The following SMC5 variants were observed in gnomAD, a reference collection of about 807,000 sequenced individuals.
The protein encoded by SMC5 is structural maintenance of chromosomes protein 5.
Under a neutral mutation model 148.3 loss-of-function variants are expected in SMC5, and 88 were observed. The observed-to-expected ratio is 0.59, with a 90% CI of 0.50 to 0.71. The LOEUF (loss-of-function observed/expected upper bound fraction) is 0.71. SMC5 is among the 30% of genes least tolerant of loss of function. SMC5 has a pLI of 0.00. For synonymous variants in SMC5, 421 were observed against 432.8 expected (o/e 0.97, Z 0.34); for missense variants, 1,142 against 1,298.9 (o/e 0.88, Z 1.86).
At chr9:70,263,279 A>T (rs2034188714) in intron 1 of SMC5, among the ~76,000 whole-genome samples, 1 of 152,240 alleles carries the variant, frequency 6.6e-6, no homozygotes, top group Non-Finnish European at 1.5e-5. Context: ...AAAAAGATAA[A>T]GTAGTAGATG....
chr9:70,332,694 A>G (rs962803115), intron 17 of SMC5, among the ~76,000 whole-genome samples: 3 of 152,176 alleles, frequency 2.0e-5, no homozygotes, highest in African/African-American at 7.2e-5. Context: ...TTCTTCATAT[A>G]ATGTTAGCAG....
chr9:70,280,145 T>G (rs1008722482), intron 5 of SMC5, among the ~76,000 whole-genome samples: 11 of 152,230 alleles, frequency 7.2e-5, no homozygotes. Context: ...TTCTGTTCTT[T>G]TACCTTTCTG....
intron 1 of SMC5, among the ~76,000 whole-genome samples, chr9:70,260,812 G>A (rs1301987868): frequency 1.3e-5 from 2 of 152,132 alleles, no homozygotes; most frequent in African/African-American, 4.8e-5. Context: ...GCATGATCAG[G>A]GCTCCGTGAA....
In SMC5 at chr9:70,334,736, A is replaced by G. The variant is rs189307331; in HGVS notation, c.2398-9408A>G. On this transcript the variant is annotated intron_variant, in intron 17 of 24. Transcript: ENST00000361138. ...CTGACCCCTGATGGATGCTATAAAAATAATTTCAACTATCAATACAAAGAA... is the reference window on the plus strand; with the variant it reads ...CTGACCCCTGATGGATGCTATAAAAGTAATTTCAACTATCAATACAAAGAA... 1.9e-4 allele frequency among the ~76,000 whole-genome samples: 29 copies of G among 152,312 alleles called. No homozygotes were observed. In the East Asian group the frequency reaches 5.2e-3, roughly 27 times the overall value.
rs902878230 is a variant in SMC5, at chr9:70,258,984, C to T, written c.-95C>T. Reference sequence around the variant, plus strand: ...CGCGGTAACAGTTCGCGGCAGTTCGCGCGGGAGCGGGGCGCCTGGGTGGAT... The same window carrying T: ...CGCGGTAACAGTTCGCGGCAGTTCGTGCGGGAGCGGGGCGCCTGGGTGGAT... On this transcript the variant is annotated 5_prime_UTR_variant, in exon 1 of 25. Coordinates refer to ENST00000361138, the MANE Select transcript of SMC5 (RefSeq NM_015110.4). The T allele has an allele frequency of 2.1e-5, 30 of 1,407,084 alleles. No individual in the cohort carries two copies. The highest frequency in any genetic ancestry group is 2.8e-5 in the Admixed American group (1 of 35,556). The allele number at this position is 1,407,084 out of a possible 1,614,324, so 87.2% of individuals were successfully genotyped here. A position where few individuals can be genotyped will look rare whatever the true frequency, so the allele number is the denominator to read the frequency against.
chr9:70,346,534 G>A (rs2036670716), intron 18 of SMC5, 71 bp from the exon 19 acceptor site: 4 of 1,424,892 alleles, frequency 2.8e-6, no homozygotes, highest in Non-Finnish European at 3.9e-6. Flanking sequence ...CTTCATAAGT[G>A]CAGTATAAAG....
chr9:70,290,176 T>C (rs538649133), intron 8 of SMC5, among the ~76,000 whole-genome samples: 9 of 152,320 alleles, frequency 5.9e-5, no homozygotes, highest in African/African-American at 2.2e-4. Flanking sequence ...GTTGGTTTAT[T>C]TGATCGTGTT....
At position 70,350,311 on chromosome 9, in the gene SMC5, T is replaced by G. The variant is rs768138418; in HGVS notation, c.3069+18T>G. On this transcript the variant is annotated intron_variant, in intron 23 of 24. Transcript: ENST00000361138. ...TCAATCAGGTATGGTGATTGTTCTG[T>G]TACTTGGATCTTCTTATATCCTGTA... 1.2e-6 allele frequency: 2 copies of G among 1,611,700 alleles called. No individual in the cohort carries two copies. Among genetic ancestry groups the G allele is most frequent in the Non-Finnish European group, 1.7e-6 (2 of 1,179,064 alleles).
chr9:70,273,571 T>C (rs1395276999), intron 3 of SMC5, among the ~76,000 whole-genome samples: 1 of 152,142 alleles, frequency 6.6e-6, no homozygotes, highest in Non-Finnish European at 1.5e-5. Flanking sequence ...TTTTTAGTCT[T>C]GTTTACCCTA....
intron 17 of SMC5, among the ~76,000 whole-genome samples, chr9:70,342,065 AATG>A (rs2036541313): frequency 2.0e-5 from 3 of 151,374 alleles, no homozygotes; most frequent in South Asian, 2.1e-4. Flanking sequence ...AGCCATAAAA[AATG>A]ATGAGTTCAT....
At position 70,352,381 on chromosome 9, in the gene SMC5, A is replaced by G; in HGVS notation, c.*50A>G. On this transcript the variant is annotated 3_prime_UTR_variant, in exon 25 of 25. Coordinates refer to ENST00000361138, the MANE Select transcript of SMC5 (RefSeq NM_015110.4). Reference sequence around the variant, plus strand: ...GAATTTTTTTTGTTAAATTCTGTTTATAAGTATGGCTCAACTGAATAAAAG... The same window carrying G: ...GAATTTTTTTTGTTAAATTCTGTTTGTAAGTATGGCTCAACTGAATAAAAG... The G allele has an allele frequency of 6.5e-7, 1 of 1,534,750 alleles. No homozygotes were observed. The highest frequency in any genetic ancestry group is 8.8e-7 in the Non-Finnish European group (1 of 1,136,578).
At chr9:70,317,963 C>G (rs544042634) in intron 13 of SMC5, among the ~76,000 whole-genome samples, 1 of 152,240 alleles carries the variant, frequency 6.6e-6, no homozygotes, top group African/African-American at 2.4e-5. Flanking sequence ...CTCTTCTCTC[C>G]TGCTATCTCT....
chr9:70,283,795 A>AT (rs200291382), intron 7 of SMC5, among the ~76,000 whole-genome samples: 1,823 of 151,164 alleles, frequency 0.012, 25 homozygotes, highest in African/African-American at 0.041. Context: ...ACTTAGCAGT[A>AT]TTTTTTTTTA....
intron 2 of SMC5, among the ~76,000 whole-genome samples, 162 bp downstream of exon 2, chr9:70,264,607 C>T (rs2034225698): frequency 6.6e-6 from 1 of 152,114 alleles, no homozygotes; most frequent in South Asian, 2.1e-4. Flanking sequence ...ATTTTCATTT[C>T]TAGAAGTATT....
At chr9:70,340,828 A>G (rs1242458536) in intron 17 of SMC5, among the ~76,000 whole-genome samples, 1 of 152,128 alleles carries the variant, frequency 6.6e-6, no homozygotes, top group Admixed American at 6.5e-5. Context: ...GTATTTCTGT[A>G]CAATTTCCAT....
intron 15 of SMC5, 75 bp from the exon 16 acceptor site, chr9:70,323,408 T>G: frequency 7.0e-7 from 1 of 1,426,342 alleles, no homozygotes; most frequent in Non-Finnish European, 9.4e-7. Context: ...CCCAGAAAAC[T>G]GGGGGGGACC....
In SMC5 at chr9:70,268,037, T is replaced by G. The variant is rs1587617451; in HGVS notation, c.380+62T>G. 5.4e-6 allele frequency: 7 copies of G among 1,287,222 alleles called. No homozygotes were observed. In the East Asian group the frequency reaches 1.6e-4, roughly 30 times the overall value. The allele number at this position is 1,287,222 out of a possible 1,614,324, so 79.7% of individuals were successfully genotyped here. On this transcript the variant is annotated intron_variant, in intron 3 of 24. Coordinates refer to ENST00000361138, the MANE Select transcript of SMC5 (RefSeq NM_015110.4). ...AAAATTCTTAGTTTATATTCATGTT[T>G]TCCTGATGATTAGAAAAGAGTATTA...
chr9:70,311,843 C>T (rs2035666231), intron 11 of SMC5: 1 of 151,870 alleles, frequency 6.6e-6, no homozygotes, highest in Non-Finnish European at 1.5e-5. Flanking sequence ...GCAGATAGGC[C>T]GTTTTACTTT....
intron 17 of SMC5, among the ~76,000 whole-genome samples, chr9:70,328,000 C>T (rs921503587): frequency 3.9e-5 from 6 of 152,058 alleles, no homozygotes; most frequent in African/African-American, 1.4e-4. Context: ...GGGGGAAATG[C>T]TACACGCTTT....
Sources: allele counts gnomAD v4.1 joint callset (sites outside exome capture counted in the v4.1 genomes callset), GRCh38; gene constraint gnomAD v4.1.1; transcripts MANE v1.5; gene names NCBI Gene and HGNC (gene_info 2026-07-23, HGNC 2026-07-21).